The following BID variants were observed in gnomAD, a reference collection of about 807,000 sequenced individuals.
The protein encoded by BID is BH3 interacting domain death agonist, also known as BH3-interacting domain death agonist.
In BID, 19 loss-of-function variants were observed where a neutral mutation model predicts 17.4. That is an observed-to-expected ratio of 1.09 (90% CI 0.76 to 1.60). The LOEUF is 1.60. BID is among the 40% of genes most tolerant of loss of function. The pLI, the probability that BID is intolerant of heterozygous loss-of-function variation, is 0.00. For synonymous variants in BID, 108 were observed against 102.8 expected (o/e 1.05, Z -0.31); for missense variants, 226 against 256.0 (o/e 0.88, Z 0.80).
chr22:17,755,540 T>G (rs183322973), intron 1 of BID, among the ~76,000 whole-genome samples: 1 of 152,124 alleles, frequency 6.6e-6, no homozygotes, highest in East Asian at 1.9e-4. Context: ...TGGTGGCTCA[T>G]GCCTGTAATC....
intron 3 of BID, chr22:17,739,923 C>A (rs2061446984): frequency 1.3e-6 from 1 of 752,506 alleles, no homozygotes; most frequent in African/African-American, 1.7e-5. Flanking sequence ...GCCTGAGAGC[C>A]CCCATTCCTC....
At position 17,734,673 on chromosome 22, in the gene BID, A is replaced by G. The variant is rs1202448055; in HGVS notation, c.*907T>C. ...TTAGAAACCTGTTCTCTCCAGATGC[A>G]CTTCTGAGGCATGGATGAGCTGAGC... On this transcript the variant is annotated 3_prime_UTR_variant, in exon 6 of 6. Coordinates refer to ENST00000622694, the MANE Select transcript of BID (RefSeq NM_001196.4). 6.6e-6 allele frequency: 1 copy of G among 152,176 alleles called. No homozygotes were observed. The highest frequency in any genetic ancestry group is 1.5e-5 in the Non-Finnish European group (1 of 68,036). The allele number at this position is 152,176 out of a possible 1,614,324, so 9.4% of individuals were successfully genotyped here.
chr22:17,772,789 G>T (rs1051607757), intron 1 of BID, among the ~76,000 whole-genome samples: 4 of 152,118 alleles, frequency 2.6e-5, no homozygotes, highest in Non-Finnish European at 4.4e-5. Flanking sequence ...CCCTAAGCAA[G>T]GCCTCTGAGC....
intron 1 of BID, among the ~76,000 whole-genome samples, chr22:17,756,296 T>C (rs952344756): frequency 6.6e-6 from 1 of 152,216 alleles, no homozygotes; most frequent in African/African-American, 2.4e-5. Context: ...AAACTGGAAA[T>C]GCGTTGACAA....
At chr22:17,756,181 C>T (rs890830824) in intron 1 of BID, among the ~76,000 whole-genome samples, 1 of 152,102 alleles carries the variant, frequency 6.6e-6, no homozygotes, top group Non-Finnish European at 1.5e-5. Context: ...GTTGTTCTTA[C>T]GTGAACACAT....
chr22:17,746,533 C>T (rs2061496293), intron 2 of BID, among the ~76,000 whole-genome samples: 1 of 152,198 alleles, frequency 6.6e-6, no homozygotes, highest in Non-Finnish European at 1.5e-5. Context: ...AGCGACAGTC[C>T]TGGTGACACA....
intron 2 of BID, among the ~76,000 whole-genome samples, chr22:17,746,970 C>T (rs971838706): frequency 2.0e-5 from 3 of 152,234 alleles, no homozygotes; most frequent in Non-Finnish European, 2.9e-5. Context: ...TTGACCTGCG[C>T]TTGGTAAATT....
chr22:17,739,641 C>A, intron 3 of BID, 153 bp from the exon 4 acceptor site: 1 of 1,059,748 alleles, frequency 9.4e-7, no homozygotes, highest in Non-Finnish European at 1.3e-6. Context: ...AGGGCCACAG[C>A]GGGCGGGCTG....
chr22:17,769,181 T>C lies in BID; in HGVS notation c.-59+5200A>G, dbSNP rs1455770627. ...CAGGGCCTGTGCCGTGCCAACGCCA[T>C]GCCCCTGCCTGGCAGAAATGCCACC... On this transcript the variant is annotated intron_variant, in intron 1 of 5. Coordinates refer to ENST00000622694, the MANE Select transcript of BID (RefSeq NM_001196.4). This position sits in a 1 kb window ranked among gnomAD's most constrained non-coding sequence, Gnocchi z 4.8. Among the ~76,000 whole-genome samples the C allele has an allele frequency of 6.6e-6, 1 of 152,248 alleles. No homozygotes were observed. The highest frequency in any genetic ancestry group is 1.5e-5 in the Non-Finnish European group (1 of 68,038).
chr22:17,759,334 G>A (rs2061619499), intron 1 of BID, among the ~76,000 whole-genome samples: 1 of 151,762 alleles, frequency 6.6e-6, no homozygotes, highest in South Asian at 2.1e-4. Context: ...CAAAGCAGGT[G>A]GATCACTTGA....
At chr22:17,741,211 C>G (rs2061456727) in intron 3 of BID, 1 of 152,290 alleles carries the variant, frequency 6.6e-6, no homozygotes, top group African/African-American at 2.4e-5. Flanking sequence ...GCCACCTTCA[C>G]AGCACAGACC....
chr22:17,735,214 C>T lies in BID; in HGVS notation c.*366G>A. The T allele has an allele frequency of 9.4e-6, 2 of 212,148 alleles. No individual in the cohort carries two copies. The highest frequency in any genetic ancestry group is 8.6e-5 in the South Asian group (1 of 11,646). The allele number at this position is 212,148 out of a possible 1,614,324, so 13.1% of individuals were successfully genotyped here. The stretch of plus-strand genomic sequence containing the variant: ...TTAATAAACAGTAATTTTTTTTTAC[C>T]AAAAAAATTGTATTTTGTTTCTACT... On this transcript the variant is annotated 3_prime_UTR_variant, in exon 6 of 6. Coordinates refer to ENST00000622694, the MANE Select transcript of BID (RefSeq NM_001196.4).
intron 3 of BID, among the ~76,000 whole-genome samples, chr22:17,743,542 A>C (rs2061474789): frequency 6.6e-6 from 1 of 152,238 alleles, no homozygotes; most frequent in Non-Finnish European, 1.5e-5. Context: ...GGGACTCAAG[A>C]CCAGTACATG....
At chr22:17,737,184 A>C (rs2061426222) in intron 5 of BID, among the ~76,000 whole-genome samples, 1 of 151,944 alleles carries the variant, frequency 6.6e-6, no homozygotes. Flanking sequence ...TCCTGGCCTC[A>C]AGCAATCCCA....
chr22:17,748,053 T>C lies in BID; in HGVS notation c.12+2052A>G, dbSNP rs1380613510. Among the ~76,000 whole-genome samples, 349 of 119,492 alleles carry C rather than the reference T, an allele frequency of 2.9e-3. No homozygotes were observed. In the Middle Eastern group the frequency reaches 0.029, roughly 10 times the overall value. The allele number at this position is 119,492 out of a possible 152,430, so 78.4% of individuals were successfully genotyped here. ...GTGAAACCCCGTCTTTACTAAAATA[T>C]AAAAAATTAGCCGGGCGTGGTGGTG... is the stretch of plus-strand genomic sequence containing the variant. On this transcript the variant is annotated intron_variant, in intron 2 of 5. Coordinates refer to ENST00000622694, the MANE Select transcript of BID (RefSeq NM_001196.4).
chr22:17,772,428 C>T (rs150099580), intron 1 of BID, among the ~76,000 whole-genome samples: 72 of 152,312 alleles, frequency 4.7e-4, no homozygotes, highest in African/African-American at 1.5e-3. Context: ...CAGATGTCAA[C>T]GACAGGAAGC....
intron 1 of BID, among the ~76,000 whole-genome samples, chr22:17,765,921 G>C (rs1346583411): frequency 1.3e-5 from 2 of 152,154 alleles, no homozygotes; most frequent in African/African-American, 2.4e-5. Context: ...CGTGAACTTA[G>C]ATGATTATTG....
At chr22:17,756,475 CTTT>C (rs11336395) in intron 1 of BID, among the ~76,000 whole-genome samples, 17 of 100,994 alleles carry the variant, frequency 1.7e-4, no homozygotes, top group Middle Eastern at 5.1e-3. Flanking sequence ...TTCTTTCTTT[CTTT>C]TCTTTCTTTC....
chr22:17,749,679 C>A (rs894143867), intron 2 of BID, among the ~76,000 whole-genome samples: 1 of 152,212 alleles, frequency 6.6e-6, no homozygotes, highest in African/African-American at 2.4e-5. Flanking sequence ...CTTCTTAAAT[C>A]TCTTTCGTGT....
Sources: allele counts gnomAD v4.1 joint callset (sites outside exome capture counted in the v4.1 genomes callset), GRCh38; gene constraint gnomAD v4.1.1; non-coding constraint Gnocchi (gnomAD v3.1); transcripts MANE v1.5; gene names NCBI Gene and HGNC (gene_info 2026-07-23, HGNC 2026-07-21).